Variants in REEP3 observed in about 807,000 individuals in gnomAD.
REEP3 encodes the protein receptor expression-enhancing protein 3.
A neutral mutation model predicts 41.3 loss-of-function variants in REEP3; 20 were observed. The ratio of observed to expected loss-of-function variants is 0.48; its 90% confidence interval spans 0.34 to 0.70. REEP3 has a LOEUF of 0.70. Ranked by LOEUF, REEP3 falls within the 30% of genes least tolerant of loss-of-function variation. REEP3 has a pLI of 0.01. For missense variants in REEP3, 271 were observed against 308.8 expected, an observed-to-expected ratio of 0.88 and a Z score of 0.92; for synonymous variants, 104 against 101.8, an observed-to-expected ratio of 1.02 and a Z score of -0.13.
chr10:63,575,242 G>A (rs1462792652), intron 2 of REEP3, among the ~76,000 whole-genome samples: 1 of 152,098 alleles, frequency 6.6e-6, no homozygotes, highest in African/African-American at 2.4e-5. Flanking sequence ...TTAACTTCTG[G>A]TGTTGCTGTT....
At chr10:63,583,279 C>T (rs1236262954) in intron 2 of REEP3, among the ~76,000 whole-genome samples, 5 of 152,200 alleles carry the variant, frequency 3.3e-5, no homozygotes, top group Non-Finnish European at 7.3e-5. Flanking sequence ...GCGTCAGCCA[C>T]GGTGCCTGGC....
chr10:63,561,935 G>A (rs1955743525), intron 1 of REEP3, among the ~76,000 whole-genome samples: 1 of 152,072 alleles, frequency 6.6e-6, no homozygotes. Flanking sequence ...TTGTATCCAA[G>A]TTCTAAAGGG....
rs185335757 is a variant in REEP3 at position 63,599,768 on chromosome 10, T to G, written c.417+485T>G. The G allele has an allele frequency of 2.5e-4, 188 of 758,538 alleles. No homozygotes were observed. The African/African-American group carries it at 3.4e-3, about 14-fold the overall frequency. 47.0% of individuals were successfully genotyped at this position (758,538 alleles called of 1,614,324 possible). On this transcript the variant is annotated intron_variant, in intron 5 of 7. Transcript: ENST00000373758. ...AAGTCTGTTCTTAAAACTTGGTACTTAGCCAGTTACTAATGTCATTTGTTG... is the reference window on the plus strand; with the variant it reads ...AAGTCTGTTCTTAAAACTTGGTACTGAGCCAGTTACTAATGTCATTTGTTG...
chr10:63,536,733 G>T (rs868609574), intron 1 of REEP3, among the ~76,000 whole-genome samples: 5 of 152,162 alleles, frequency 3.3e-5, no homozygotes, highest in South Asian at 4.2e-4. Flanking sequence ...GAAACCAATG[G>T]CAACTAGACA....
At chr10:63,576,640 T>G (rs1955901157) in intron 2 of REEP3, among the ~76,000 whole-genome samples, 1 of 152,254 alleles carries the variant, frequency 6.6e-6, no homozygotes, top group Admixed American at 6.5e-5. Context: ...GTTAGTCAGC[T>G]TGTGTTGCCA....
At position 63,537,235 on chromosome 10, in the gene REEP3, T is replaced by G. The variant is rs562603908; in HGVS notation, c.32+15658T>G. 1.6e-4 allele frequency among the ~76,000 whole-genome samples: 24 copies of G among 152,294 alleles called. No homozygotes were observed. In the South Asian group the frequency reaches 5.0e-3, roughly 32 times the overall value. On this transcript the variant is annotated intron_variant, in intron 1 of 7. Coordinates refer to ENST00000373758, the MANE Select transcript of REEP3 (RefSeq NM_001001330.3). ...GAAAGTTATAGTGTTTGTGTTTTGT[T>G]TTTTTTAAAGCAAGCCAGATATGAT...
intron 1 of REEP3, among the ~76,000 whole-genome samples, chr10:63,549,719 T>C (rs1256956414): frequency 6.6e-6 from 1 of 152,240 alleles, no homozygotes; most frequent in Non-Finnish European, 1.5e-5. Context: ...ATATGTTTAC[T>C]GGAATTAAAC....
At chr10:63,524,583 A>G (rs144931447) in intron 1 of REEP3, among the ~76,000 whole-genome samples, 2 of 152,230 alleles carry the variant, frequency 1.3e-5, no homozygotes, top group Admixed American at 6.5e-5. Flanking sequence ...AGCTGGGACT[A>G]TAGGTGCACG....
chr10:63,539,443 AT>A (rs1165118538), intron 1 of REEP3, among the ~76,000 whole-genome samples: 3 of 152,176 alleles, frequency 2.0e-5, no homozygotes, highest in Non-Finnish European at 4.4e-5. Context: ...CTGTCATTTA[AT>A]TTGAGAAACA....
At chr10:63,577,221 C>T (rs1315487307) in intron 2 of REEP3, among the ~76,000 whole-genome samples, 2 of 152,184 alleles carry the variant, frequency 1.3e-5, no homozygotes, top group Non-Finnish European at 2.9e-5. Context: ...TAAACTTTTA[C>T]TCGATCCCTA....
intron 2 of REEP3, among the ~76,000 whole-genome samples, chr10:63,568,908 C>A (rs1275624759): frequency 2.6e-5 from 4 of 152,078 alleles, no homozygotes; most frequent in African/African-American, 9.7e-5. Context: ...GGTTATCCAC[C>A]TACTTCAGCC....
At chr10:63,543,632 C>A (rs2133353485) in intron 1 of REEP3, among the ~76,000 whole-genome samples, 1 of 152,232 alleles carries the variant, frequency 6.6e-6, no homozygotes, top group African/African-American at 2.4e-5. Context: ...TCAGTTCTGC[C>A]TTCCTATCCA....
intron 1 of REEP3, among the ~76,000 whole-genome samples, chr10:63,546,504 G>T (rs1373850273): frequency 6.6e-6 from 1 of 152,210 alleles, no homozygotes; most frequent in Non-Finnish European, 1.5e-5. Context: ...ATATGGAAAT[G>T]CAGAGGGCCA....
rs984032409 is a variant in REEP3 at position 63,562,912 on chromosome 10, C to T, written c.33-3426C>T. The T allele has an allele frequency of 5.3e-5, 24 of 456,402 alleles. 1 individual carries two copies. The Admixed American group carries it at 5.4e-4, about 10-fold the overall frequency. The allele number at this position is 456,402 out of a possible 1,614,324, so 28.3% of individuals were successfully genotyped here. On this transcript the variant is annotated intron_variant, in intron 1 of 7. Transcript: ENST00000373758. ...CCCCCTGCGCATCAGAATGTGACTA[C>T]GTTTGGAGTTAAGTTATTTAAAGGT... is the stretch of plus-strand genomic sequence containing the variant.
At chr10:63,593,534 A>G (rs1362173448) in intron 2 of REEP3, among the ~76,000 whole-genome samples, 1 of 152,176 alleles carries the variant, frequency 6.6e-6, no homozygotes, top group Non-Finnish European at 1.5e-5. Flanking sequence ...AATTTATGTT[A>G]TATGTTTATC....
chr10:63,563,856 C>T (rs868560529), intron 1 of REEP3, among the ~76,000 whole-genome samples: 1 of 152,034 alleles, frequency 6.6e-6, no homozygotes, highest in African/African-American at 2.4e-5. Context: ...GTTTTCCTCC[C>T]GAAAACCCAT....
chr10:63,523,803 A>G (rs1955328597), intron 1 of REEP3, among the ~76,000 whole-genome samples: 1 of 152,228 alleles, frequency 6.6e-6, no homozygotes, highest in Non-Finnish European at 1.5e-5. Context: ...CTGGAAAGGT[A>G]GCCTGGGGCC....
At chr10:63,552,720 T>C (rs1955641080) in intron 1 of REEP3, among the ~76,000 whole-genome samples, 1 of 152,164 alleles carries the variant, frequency 6.6e-6, no homozygotes. Context: ...TTGGTGGAGA[T>C]TATACCATTT....
chr10:63,609,724 C>T (rs1428369215), intron 5 of REEP3, among the ~76,000 whole-genome samples: 1 of 152,114 alleles, frequency 6.6e-6, no homozygotes, highest in Non-Finnish European at 1.5e-5. Context: ...CACGCCACTG[C>T]ATTCCAGCCT....
Sources: allele counts gnomAD v4.1 joint callset (sites outside exome capture counted in the v4.1 genomes callset), GRCh38; gene constraint gnomAD v4.1.1; transcripts MANE v1.5; gene names NCBI Gene and HGNC (gene_info 2026-07-23, HGNC 2026-07-21).